The following GRID2 variants were observed in gnomAD, a reference collection of about 807,000 sequenced individuals.
The protein encoded by GRID2 is glutamate ionotropic receptor delta type subunit 2.
In GRID2, 33 loss-of-function variants were observed where a neutral mutation model predicts 114.8. That is an observed-to-expected ratio of 0.29 (90% CI 0.22 to 0.38). The LOEUF (loss-of-function observed/expected upper bound fraction) is 0.38, where lower values mean the gene tolerates loss of function less well. GRID2 is among the 10% of genes least tolerant of loss of function. The probability of loss-of-function intolerance (pLI) is 1.00; values close to 1 mark genes in which losing one functional copy is unlikely to be tolerated. For missense variants in GRID2, 1,184 were observed against 1,257.7 expected (o/e 0.94, Z 0.89); for synonymous variants, 505 against 449.9 (o/e 1.12, Z -1.55).
intron 1 of GRID2, among the ~76,000 whole-genome samples, chr4:92,555,561 T>C (rs1334800387): frequency 6.6e-6 from 1 of 152,144 alleles, no homozygotes; most frequent in Non-Finnish European, 1.5e-5. Flanking sequence ...GGTCTGGCAA[T>C]GAAGAAAAAT....
At chr4:92,612,037 T>C (rs933372990) in intron 2 of GRID2, among the ~76,000 whole-genome samples, 3 of 151,562 alleles carry the variant, frequency 2.0e-5, no homozygotes, top group East Asian at 3.9e-4. Context: ...AGCTTTGATA[T>C]TGTATCTAAG....
intron 6 of GRID2, among the ~76,000 whole-genome samples, chr4:93,222,404 G>A (rs953444806): frequency 6.6e-6 from 1 of 151,336 alleles, no homozygotes; most frequent in Non-Finnish European, 1.5e-5. Flanking sequence ...TTAACTAGTT[G>A]GAGAAAGGTA....
At chr4:92,843,632 T>G (rs2149412965) in intron 2 of GRID2, among the ~76,000 whole-genome samples, 1 of 152,286 alleles carries the variant, frequency 6.6e-6, no homozygotes. Context: ...TTATGTTATC[T>G]TATTAGAAGA....
intron 14 of GRID2, among the ~76,000 whole-genome samples, chr4:93,658,841 G>A (rs12505284): frequency 0.14 from 21,328 of 152,084 alleles, 1,840 homozygotes; most frequent in East Asian, 0.21. Context: ...GAAACTGAAC[G>A]AAGCAACTGA....
intron 1 of GRID2, among the ~76,000 whole-genome samples, chr4:92,373,283 A>G (rs958018814): frequency 6.6e-6 from 1 of 152,166 alleles, no homozygotes; most frequent in African/African-American, 2.4e-5. Flanking sequence ...AGTTTGCACA[A>G]TATTCTTGTT....
At chr4:92,440,498 G>T (rs1231753350) in intron 1 of GRID2, among the ~76,000 whole-genome samples, 1 of 152,022 alleles carries the variant, frequency 6.6e-6, no homozygotes, top group Non-Finnish European at 1.5e-5. Flanking sequence ...GTCCTGGGTG[G>T]GGCAAATCCT....
At chr4:93,658,123 G>A (rs1022711857) in intron 14 of GRID2, among the ~76,000 whole-genome samples, 1 of 152,048 alleles carries the variant, frequency 6.6e-6, no homozygotes, top group Non-Finnish European at 1.5e-5. Context: ...GTATCTTAGG[G>A]CAACATTTAT....
chr4:92,992,144 C>A (rs146735318), intron 2 of GRID2, among the ~76,000 whole-genome samples: 93 of 152,198 alleles, frequency 6.1e-4, no homozygotes, highest in Non-Finnish European at 1.1e-3. Context: ...GCCTGTAAGA[C>A]CATGTATCTT....
chr4:93,365,461 C>T (rs1040997463), intron 8 of GRID2, among the ~76,000 whole-genome samples: 2 of 152,158 alleles, frequency 1.3e-5, no homozygotes, highest in Non-Finnish European at 2.9e-5. Flanking sequence ...GTTATTTGGT[C>T]TAATTATGAC....
At chr4:92,656,054 T>C (rs1167672506) in intron 2 of GRID2, among the ~76,000 whole-genome samples, 1 of 151,782 alleles carries the variant, frequency 6.6e-6, no homozygotes, top group Non-Finnish European at 1.5e-5. Context: ...ATGCCGAGTT[T>C]GTTGAACATT....
chr4:93,497,100 T>C (rs547038942), intron 12 of GRID2, among the ~76,000 whole-genome samples: 1 of 151,712 alleles, frequency 6.6e-6, no homozygotes, highest in South Asian at 2.1e-4. Flanking sequence ...TGTCTCATTG[T>C]GGTTTTAATT....
intron 2 of GRID2, among the ~76,000 whole-genome samples, chr4:93,053,808 A>G (rs189185960): frequency 6.6e-6 from 1 of 152,070 alleles, no homozygotes; most frequent in East Asian, 1.9e-4. Flanking sequence ...AATACTGGGA[A>G]AGGAGCAAAG....
chr4:93,084,983 G>T lies in GRID2; in HGVS notation c.245-12G>T. The T allele has an allele frequency of 6.2e-7, 1 of 1,610,222 alleles. No homozygotes were observed. The highest frequency in any genetic ancestry group is 1.1e-5 in the South Asian group (1 of 90,976). ...CCACTGACATTTTGAATATTACTGT[G>T]CTTTCTTGCAGCCTGTGAACTTATG... is the stretch of plus-strand genomic sequence containing the variant. On this transcript the variant is annotated splice_polypyrimidine_tract_variant and intron_variant, in intron 2 of 15. Transcript: ENST00000282020.
Position 93,119,771 on chromosome 4 carries a change from C to T in GRID2, c.735+8818C>T, listed in dbSNP as rs367904195. On this transcript the variant is annotated intron_variant, in intron 4 of 15. Coordinates refer to ENST00000282020, the MANE Select transcript of GRID2 (RefSeq NM_001510.4). ...ATGTATGCAGCTTCCCAAAAATAAGCCTTTGGAAAGATTTAGGAAACAAGG... is the reference window on the plus strand; with the variant it reads ...ATGTATGCAGCTTCCCAAAAATAAGTCTTTGGAAAGATTTAGGAAACAAGG... 8.5e-5 allele frequency among the ~76,000 whole-genome samples: 13 copies of T among 152,164 alleles called. 1 individual carries two copies. The highest frequency in any genetic ancestry group is 3.1e-4 in the African/African-American group (13 of 41,522).
At chr4:92,642,689 T>C (rs950912673) in intron 2 of GRID2, among the ~76,000 whole-genome samples, 8 of 151,860 alleles carry the variant, frequency 5.3e-5, no homozygotes, top group African/African-American at 1.9e-4. Flanking sequence ...TTTTTGGTTT[T>C]GTTGCAATTG....
chr4:92,750,930 CAA>C (rs1204887673), intron 2 of GRID2, among the ~76,000 whole-genome samples: 3 of 152,102 alleles, frequency 2.0e-5, no homozygotes, highest in East Asian at 1.9e-4. Flanking sequence ...TTGTATCAAT[CAA>C]ATATAAATAA....
chr4:93,562,841 A>T (rs937916574), intron 13 of GRID2, among the ~76,000 whole-genome samples: 1 of 151,988 alleles, frequency 6.6e-6, no homozygotes, highest in East Asian at 1.9e-4. Flanking sequence ...TCAAATTACT[A>T]TATTTATGTG....
chr4:93,233,741 A>G (rs368070809), intron 7 of GRID2, among the ~76,000 whole-genome samples: 187 of 152,266 alleles, frequency 1.2e-3, no homozygotes, highest in African/African-American at 4.1e-3. Flanking sequence ...GACTGACTGC[A>G]TGACAGAACA....
chr4:92,397,381 TG>T (rs1730549345), intron 1 of GRID2, among the ~76,000 whole-genome samples: 1 of 141,236 alleles, frequency 7.1e-6, no homozygotes, highest in African/African-American at 2.5e-5. Flanking sequence ...TGTGTGTGTG[TG>T]TGTTTCTCCA....
Sources: gnomAD v4.1 joint callset for allele counts (sites outside exome capture counted in the v4.1 genomes callset) on GRCh38, gnomAD v4.1.1 for gene constraint, MANE v1.5 for transcripts, NCBI Gene and HGNC (gene_info 2026-07-23, HGNC 2026-07-21) for gene names.